Variants in EFL1 observed in about 807,000 individuals in gnomAD.
EFL1 encodes the protein elongation factor like GTPase 1.
Under a neutral mutation model 126.7 loss-of-function variants are expected in EFL1, and 76 were observed. The ratio of observed to expected loss-of-function variants is 0.60; its 90% CI spans 0.50 to 0.73. EFL1 has a LOEUF of 0.73. EFL1 is among the 30% of genes least tolerant of loss of function. The pLI is 0.00. For synonymous variants in EFL1, 410 were observed against 448.4 expected (o/e 0.91, Z 1.08); for missense variants, 1,128 against 1,343.2 (o/e 0.84, Z 2.50).
At chr15:82,232,947 T>C (rs971024419) in intron 7 of EFL1, among the ~76,000 whole-genome samples, 2 of 152,174 alleles carry the variant, frequency 1.3e-5, no homozygotes, top group African/African-American at 2.4e-5. Flanking sequence ...GACTGTATTA[T>C]ACATTATTTT....
At chr15:82,219,939 C>T in intron 13 of EFL1, 121 bp from the exon 14 acceptor site, 1 of 1,477,054 alleles carries the variant, frequency 6.8e-7, no homozygotes, top group Non-Finnish European at 9.0e-7. Context: ...AAAAAGAAAA[C>T]AAAACAAAAC....
Position 82,229,065 on chromosome 15 carries a change from T to G in EFL1, c.901A>C (p.Ile301Leu), listed in dbSNP as rs778406857. The change falls in exon 9 of 20, where the codon ATA (isoleucine) becomes CTA (leucine). Residue 301 changes from isoleucine (I) to leucine (L), a missense_variant. Around this residue, in one of 6 missense-constraint regions of EFL1, gnomAD observed 316 missense variants for 318.5 expected, o/e 0.99. Coordinates refer to ENST00000268206, the MANE Select transcript of EFL1 (RefSeq NM_024580.6). ...AAAACAGCATCATACAAACTCCATA[T>G]ATTTTCCAGGATCAACTGTACAAAT... ...PLFVQLILEN[I>L]WSLYDAVLKK... is the part of the protein sequence containing the mutation. The G allele has an allele frequency of 3.3e-5, 53 of 1,612,104 alleles. No homozygotes were observed. The highest frequency in any genetic ancestry group is 1.8e-4 in the Middle Eastern group (1 of 5,438).
At chr15:82,229,349 TG>T (rs556609870) in intron 8 of EFL1, among the ~76,000 whole-genome samples, 1 of 152,340 alleles carries the variant, frequency 6.6e-6, no homozygotes, top group East Asian at 1.9e-4. Context: ...TGACCATTTG[TG>T]GGTCATATTA....
At position 82,130,994 on chromosome 15, in the gene EFL1, G is replaced by A. The variant is rs776261216; in HGVS notation, c.3175-433C>T. Among the ~76,000 whole-genome samples the A allele has an allele frequency of 1.3e-4, 20 of 151,920 alleles. No homozygotes were observed. The South Asian group carries it at 1.7e-3, about 13-fold the overall frequency. On this transcript the variant is annotated intron_variant, in intron 19 of 19. Coordinates refer to ENST00000268206, the MANE Select transcript of EFL1 (RefSeq NM_024580.6). ...CATGCCACTGCACTCCAGCCTGGGC[G>A]ACAGAGTGAGGCTCCAACTTAAAAA...
chr15:82,202,218 T>G (rs1243868992), intron 15 of EFL1, among the ~76,000 whole-genome samples: 1 of 152,174 alleles, frequency 6.6e-6, no homozygotes, highest in Non-Finnish European at 1.5e-5. Flanking sequence ...GGACGACGTC[T>G]TTCAGATCAA....
chr15:82,142,236 G>A (rs575635711), intron 18 of EFL1, among the ~76,000 whole-genome samples: 16 of 152,262 alleles, frequency 1.1e-4, no homozygotes, highest in South Asian at 6.2e-4. Flanking sequence ...TGAGTACAGC[G>A]GCTCATCACT....
intron 19 of EFL1, among the ~76,000 whole-genome samples, chr15:82,131,984 A>G (rs776168078): frequency 2.8e-4 from 43 of 152,184 alleles, no homozygotes; most frequent in Non-Finnish European, 8.8e-5. Flanking sequence ...GGAGTTCTAA[A>G]ACCAAAAAAC....
intron 15 of EFL1, among the ~76,000 whole-genome samples, chr15:82,211,988 T>TTTAGAAC (rs1567065000): frequency 6.6e-6 from 1 of 152,154 alleles, no homozygotes; most frequent in East Asian, 1.9e-4. Context: ...GATAATCTAG[T>TTTAGAAC]TTAGAACTTT....
chr15:82,177,013 C>T (rs1408105934), intron 15 of EFL1, among the ~76,000 whole-genome samples: 1 of 152,102 alleles, frequency 6.6e-6, no homozygotes, highest in Non-Finnish European at 1.5e-5. Context: ...AATGCAAGAG[C>T]ACATTCTATA....
In EFL1 at chr15:82,151,749, A is replaced by G. The variant is rs146225363; in HGVS notation, c.2705T>C (p.Phe902Ser). The change falls in exon 18 of 20, where the codon TTT becomes TCT. Residue 902 changes from phenylalanine (F) to serine (S), a missense_variant. Transcript: ENST00000268206. ...CAGATCACTTGCTCCTTGTTCCTCAAATTTACTTAGGTCCCATTTTTCCAG... is the reference window on the plus strand; with the variant it reads ...CAGATCACTTGCTCCTTGTTCCTCAGATTTACTTAGGTCCCATTTTTCCAG... ...FVLEKWDLSKFEEQGASDLAK... is the reference protein window; with the variant it reads ...FVLEKWDLSKSEEQGASDLAK... 3.1e-5 allele frequency: 50 copies of G among 1,613,976 alleles called. 1 individual carries two copies. The African/African-American group carries it at 4.1e-4, about 13-fold the overall frequency.
At chr15:82,138,888 T>C (rs2073755055) in intron 18 of EFL1, 46 bp from the exon 19 acceptor site, 2 of 1,566,352 alleles carry the variant, frequency 1.3e-6, no homozygotes, top group East Asian at 4.5e-5. Flanking sequence ...ATCATATGGC[T>C]TGAGCCACAC....
chr15:82,176,794 G>A (rs1465277461), intron 15 of EFL1, among the ~76,000 whole-genome samples: 1 of 152,142 alleles, frequency 6.6e-6, no homozygotes, highest in East Asian at 1.9e-4. Flanking sequence ...TCAGAAAGCA[G>A]ACACATTAAC....
At chr15:82,258,049 C>T (rs2075081200) in intron 3 of EFL1, among the ~76,000 whole-genome samples, 1 of 152,208 alleles carries the variant, frequency 6.6e-6, no homozygotes. Flanking sequence ...ATTCCCAAAT[C>T]GATCTTCAAG....
At position 82,262,595 on chromosome 15, in the gene EFL1, A is replaced by C. The variant is rs189792957; in HGVS notation, c.-20+19T>G. Reference sequence around the variant, plus strand: ...GCTGGCCTAGGAGGTTCCAGCCCCCAGCGCCAGCCCACACTCACCGGCTGC... The same window carrying C: ...GCTGGCCTAGGAGGTTCCAGCCCCCCGCGCCAGCCCACACTCACCGGCTGC... On this transcript the variant is annotated intron_variant, in intron 1 of 19. Coordinates refer to ENST00000268206, the MANE Select transcript of EFL1 (RefSeq NM_024580.6). 4.1e-4 allele frequency: 144 copies of C among 349,882 alleles called. 4 individuals are homozygous for C. The East Asian group carries it at 9.6e-3, about 23-fold the overall frequency. 21.7% of individuals were successfully genotyped at this position (349,882 alleles called of 1,614,324 possible).
intron 4 of EFL1, among the ~76,000 whole-genome samples, chr15:82,249,206 A>T (rs553123156): frequency 6.6e-6 from 1 of 152,090 alleles, no homozygotes; most frequent in East Asian, 1.9e-4. Context: ...AACTTTAGGA[A>T]ATAGGTAGAA....
chr15:82,233,507 TTAA>T (rs1464804271), intron 7 of EFL1, among the ~76,000 whole-genome samples: 1 of 152,146 alleles, frequency 6.6e-6, no homozygotes, highest in African/African-American at 2.4e-5. Context: ...ACCCAGTAGA[TTAA>T]TGTTAATTAC....
chr15:82,256,498 G>C (rs1355076490), intron 3 of EFL1, among the ~76,000 whole-genome samples: 1 of 152,016 alleles, frequency 6.6e-6, no homozygotes, highest in African/African-American at 2.4e-5. Flanking sequence ...AGAACCTCCA[G>C]TACAATCTAA....
intron 15 of EFL1, among the ~76,000 whole-genome samples, chr15:82,180,753 T>C (rs1326339676): frequency 7.1e-6 from 1 of 141,452 alleles, no homozygotes; most frequent in Non-Finnish European, 1.6e-5. Flanking sequence ...TTTTTCTTTC[T>C]TTTTTTTTTT....
intron 2 of EFL1, among the ~76,000 whole-genome samples, chr15:82,260,181 C>T (rs1430886773): frequency 6.6e-6 from 1 of 151,906 alleles, no homozygotes; most frequent in African/African-American, 2.4e-5. Context: ...TTAAACAATA[C>T]ATTTAAAGTA....
Sources: allele counts gnomAD v4.1 joint callset (sites outside exome capture counted in the v4.1 genomes callset), GRCh38; gene constraint gnomAD v4.1.1; regional missense constraint gnomAD v4.1.1; transcripts MANE v1.5; gene names NCBI Gene and HGNC (gene_info 2026-07-23, HGNC 2026-07-21).